Variants in ESR1 observed in about 807,000 individuals in gnomAD.
ESR1 encodes the protein estrogen receptor 1.
A neutral mutation model predicts 52.7 loss-of-function variants in ESR1; 12 were observed. That is an observed-to-expected ratio of 0.23 (90% confidence interval 0.15 to 0.37). The LOEUF (loss-of-function observed/expected upper bound fraction) is 0.37. ESR1 is among the 10% of genes least tolerant of loss of function. ESR1 has a pLI of 1.00. For synonymous variants in ESR1, 305 were observed against 316.8 expected, an observed-to-expected ratio of 0.96 and a Z score of 0.39; for missense variants, 584 against 779.7, an observed-to-expected ratio of 0.75 and a Z score of 2.99.
chr6:151,965,843 T>A (rs1215551132), intron 4 of ESR1, among the ~76,000 whole-genome samples: 1 of 54,918 alleles, frequency 1.8e-5, no homozygotes, highest in Admixed American at 2.2e-4. Flanking sequence ...ATAGCTACTG[T>A]TCTGTGGTTA....
intron 4 of ESR1, among the ~76,000 whole-genome samples, chr6:151,980,850 C>T (rs1215330479): frequency 2.0e-5 from 3 of 152,176 alleles, no homozygotes; most frequent in Non-Finnish European, 2.9e-5. Context: ...ACTACAGGCA[C>T]GTGCCACCAC....
chr6:151,957,652 C>T (rs2128582878), intron 4 of ESR1, among the ~76,000 whole-genome samples: 1 of 102,982 alleles, frequency 9.7e-6, no homozygotes, highest in Non-Finnish European at 2.6e-5. Flanking sequence ...AGCTATCCTA[C>T]AAGCTTAAAG....
chr6:151,883,879 C>T (rs1303673800), intron 3 of ESR1, among the ~76,000 whole-genome samples: 2 of 152,102 alleles, frequency 1.3e-5, no homozygotes, highest in Admixed American at 6.5e-5. Flanking sequence ...CTTCTTCTTA[C>T]GAAGACACCA....
At chr6:152,028,597 A>G (rs538544935) in intron 5 of ESR1, among the ~76,000 whole-genome samples, 140 of 152,236 alleles carry the variant, frequency 9.2e-4, no homozygotes, top group South Asian at 1.7e-3. Flanking sequence ...AGGCTAGGGG[A>G]CGGGCGCCTG....
At chr6:151,659,529 C>T (rs544379177) in intron 1 of ESR1, among the ~76,000 whole-genome samples, 64 of 152,300 alleles carry the variant, frequency 4.2e-4, no homozygotes, top group African/African-American at 1.4e-3. Flanking sequence ...TTGAGTTTCT[C>T]ATGGCTAATG....
intron 4 of ESR1, among the ~76,000 whole-genome samples, chr6:152,005,288 A>G (rs1177555029): frequency 6.6e-6 from 1 of 151,970 alleles, no homozygotes; most frequent in Non-Finnish European, 1.5e-5. Flanking sequence ...TATAATCCAC[A>G]TGCTGTTGTT....
chr6:151,768,613 GT>G (rs1785251520), intron 2 of ESR1, among the ~76,000 whole-genome samples: 1 of 152,046 alleles, frequency 6.6e-6, no homozygotes, highest in Non-Finnish European at 1.5e-5. Flanking sequence ...ATAAGATGTT[GT>G]TTTTGGAAAT....
At position 152,043,294 on chromosome 6, in the gene ESR1, A is replaced by G. The variant is rs181486558; in HGVS notation, c.1236-17697A>G. On this transcript the variant is annotated intron_variant, in intron 5 of 7. Coordinates refer to ENST00000206249, the MANE Select transcript of ESR1 (RefSeq NM_000125.4). ...TTTAACTCTCCAAGCTGCAACATTA[A>G]ATGCAGAATTCCTGCTTAGTGGGCC... 6.6e-5 allele frequency among the ~76,000 whole-genome samples: 10 copies of G among 152,328 alleles called. No homozygotes were observed. In the East Asian group the frequency reaches 1.9e-3, roughly 29 times the overall value.
intron 2 of ESR1, among the ~76,000 whole-genome samples, chr6:151,706,637 C>G (rs1780206229): frequency 1.3e-5 from 2 of 152,174 alleles, no homozygotes; most frequent in South Asian, 2.1e-4. Flanking sequence ...CACCAGATCA[C>G]CCCTGCAGCC....
At chr6:151,826,724 G>A (rs1236687711) in intron 1 of ESR1, among the ~76,000 whole-genome samples, 3 of 152,244 alleles carry the variant, frequency 2.0e-5, no homozygotes, top group South Asian at 4.1e-4. Context: ...GCTGACCCAC[G>A]TTGCTCATTT....
chr6:151,950,270 GTGTGTGTTTA>G (rs2036185734), intron 4 of ESR1, among the ~76,000 whole-genome samples: 1 of 152,180 alleles, frequency 6.6e-6, no homozygotes, highest in Non-Finnish European at 1.5e-5. Flanking sequence ...GTCTGGGTCA[GTGTGTGTTTA>G]TGTTGAACGT....
chr6:152,103,353 C>T (rs937667024), downstream of ESR1: 5 of 167,396 alleles, frequency 3.0e-5, no homozygotes, highest in South Asian at 2.0e-4. Flanking sequence ...AGTGGTTAAA[C>T]GATCTGTCAC....
intron 2 of ESR1, among the ~76,000 whole-genome samples, chr6:151,791,198 C>T (rs1231807552): frequency 6.6e-6 from 1 of 152,120 alleles, no homozygotes; most frequent in South Asian, 2.1e-4. Context: ...TTGGCTGTGA[C>T]CTCGCTCAAA....
intron 4 of ESR1, among the ~76,000 whole-genome samples, chr6:151,971,404 C>A (rs186418824): frequency 6.6e-6 from 1 of 152,072 alleles, no homozygotes; most frequent in Non-Finnish European, 1.5e-5. Context: ...CTTTACATAC[C>A]CATAGCTTAG....
chr6:151,856,603 T>G (rs1000799222), intron 2 of ESR1, among the ~76,000 whole-genome samples: 3 of 44,686 alleles, frequency 6.7e-5, no homozygotes, highest in African/African-American at 1.9e-4. Context: ...GTTTGGAAGA[T>G]TCAGTTCCTC....
At chr6:151,678,082 G>A (rs142317312) in intron 1 of ESR1, among the ~76,000 whole-genome samples, 11 of 152,290 alleles carry the variant, frequency 7.2e-5, no homozygotes, top group East Asian at 1.9e-4. Flanking sequence ...ATGGTGTTGC[G>A]TGGAACAGAT....
upstream of ESR1, among the ~76,000 whole-genome samples, chr6:151,800,961 A>C (rs1777176570): frequency 6.6e-6 from 1 of 152,066 alleles, no homozygotes; most frequent in African/African-American, 2.4e-5. Flanking sequence ...TGAAAATGCT[A>C]AACTGCTCAA....
At chr6:152,019,160 T>C (rs575349013) in intron 5 of ESR1, among the ~76,000 whole-genome samples, 3 of 152,330 alleles carry the variant, frequency 2.0e-5, no homozygotes, top group East Asian at 1.9e-4. Flanking sequence ...TGATTGCCAC[T>C]TCTTATTGAA....
chr6:151,925,111 C>T (rs1311613102), intron 3 of ESR1, among the ~76,000 whole-genome samples: 1 of 74,516 alleles, frequency 1.3e-5, no homozygotes, highest in Non-Finnish European at 2.6e-5. Context: ...TCCATAACCT[C>T]CCCAGCATCT....
Sources: gnomAD v4.1 joint callset for allele counts (sites outside exome capture counted in the v4.1 genomes callset) on GRCh38, gnomAD v4.1.1 for gene constraint, MANE v1.5 for transcripts, NCBI Gene and HGNC (gene_info 2026-07-23, HGNC 2026-07-21) for gene names.